Variants in TRPC5 observed in about 807,000 individuals in gnomAD.
TRPC5 encodes transient receptor potential cation channel subfamily C member 5.
A neutral mutation model predicts 56.5 loss-of-function variants in TRPC5; 9 were observed. The observed-to-expected ratio is 0.16, with a 90% CI of 0.10 to 0.28. The LOEUF (loss-of-function observed/expected upper bound fraction) is 0.28. Ranked by LOEUF, TRPC5 falls within the 10% of genes least tolerant of loss-of-function variation. TRPC5 has a pLI of 1.00. For missense variants in TRPC5, 469 were observed against 748.9 expected, an observed-to-expected ratio of 0.63 and a Z score of 4.36; for synonymous variants, 282 against 278.5, an observed-to-expected ratio of 1.01 and a Z score of -0.13.
At chrX:111,907,150 G>C (rs186014439) in intron 3 of TRPC5, among the ~76,000 whole-genome samples, 154 of 108,667 alleles carry the variant, frequency 1.4e-3, no homozygotes, top group African/African-American at 4.9e-3. Context: ...TTCCATCTTG[G>C]TTTGGGGCTC....
intron 6 of TRPC5, among the ~76,000 whole-genome samples, chrX:111,840,120 A>C (rs1338146031): frequency 8.9e-6 from 1 of 112,563 alleles, no homozygotes; most frequent in Non-Finnish European, 1.9e-5. Flanking sequence ...CAGTGAGCCG[A>C]GATCGTGCCA....
At chrX:111,842,656 G>T (rs1922795066) in intron 6 of TRPC5, among the ~76,000 whole-genome samples, 1 of 112,159 alleles carries the variant, frequency 8.9e-6, no homozygotes, top group African/African-American at 3.2e-5. Flanking sequence ...TAATAAACTG[G>T]ATGACAGGAT....
chrX:112,037,498 T>C (rs1038017492), intron 1 of TRPC5, among the ~76,000 whole-genome samples: 2 of 112,030 alleles, frequency 1.8e-5, no homozygotes, highest in Non-Finnish European at 3.8e-5. Context: ...AATTTTCTTT[T>C]GCCCTCTTGA....
chrX:111,925,997 C>T (rs1174894424), intron 2 of TRPC5, among the ~76,000 whole-genome samples: 1 of 111,992 alleles, frequency 8.9e-6, no homozygotes, highest in African/African-American at 3.2e-5. Context: ...ATGACAGTAA[C>T]AGCTCTCCCT....
At chrX:111,960,638 T>C (rs938076636) in intron 1 of TRPC5, among the ~76,000 whole-genome samples, 1 of 111,196 alleles carries the variant, frequency 9.0e-6, no homozygotes, top group African/African-American at 3.3e-5. Flanking sequence ...TAGTCTTGGA[T>C]TGTCTTTAAT....
intron 2 of TRPC5, among the ~76,000 whole-genome samples, chrX:111,914,530 G>A (rs950907545): frequency 7.1e-5 from 8 of 111,954 alleles, no homozygotes; most frequent in South Asian, 3.7e-4. Context: ...GAGAAAGGTG[G>A]AGGAGGAGGA....
intron 1 of TRPC5, among the ~76,000 whole-genome samples, chrX:112,029,749 C>A (rs1033524973): frequency 9.0e-6 from 1 of 111,136 alleles, no homozygotes; most frequent in African/African-American, 3.3e-5. Context: ...AGCTATATAA[C>A]CCAAAGTAGA....
intron 1 of TRPC5, among the ~76,000 whole-genome samples, chrX:112,039,870 C>T (rs897579661): frequency 8.9e-6 from 1 of 112,309 alleles, no homozygotes; most frequent in African/African-American, 3.2e-5. Flanking sequence ...CCTCTGCACC[C>T]AAACCATTTT....
chrX:111,963,006 C>T (rs938078861), intron 1 of TRPC5, among the ~76,000 whole-genome samples: 18 of 111,732 alleles, frequency 1.6e-4, no homozygotes, highest in African/African-American at 4.9e-4. Context: ...GTACCATGTG[C>T]GAGCCGAAGC....
intron 2 of TRPC5, among the ~76,000 whole-genome samples, chrX:111,941,218 T>C (rs1457432227): frequency 5.3e-5 from 6 of 112,215 alleles, no homozygotes; most frequent in African/African-American, 9.7e-5. Flanking sequence ...CTTCCCAGCC[T>C]GTGATATGAC....
chrX:111,809,415 G>A (rs1351228382), intron 7 of TRPC5, among the ~76,000 whole-genome samples: 1 of 111,392 alleles, frequency 9.0e-6, no homozygotes, highest in African/African-American at 3.3e-5. Flanking sequence ...GCTGGGTTCT[G>A]CCCAGTGTTG....
intron 1 of TRPC5, among the ~76,000 whole-genome samples, chrX:112,069,799 C>A (rs1930672837): frequency 9.0e-6 from 1 of 111,413 alleles, no homozygotes; most frequent in Non-Finnish European, 1.9e-5. Context: ...AGCACACCAG[C>A]CATTGTAGCA....
intron 1 of TRPC5, among the ~76,000 whole-genome samples, chrX:112,022,820 A>T (rs1929305563): frequency 8.9e-6 from 1 of 112,892 alleles, no homozygotes. Context: ...TATGAATTTT[A>T]CTGACAACAA....
At chrX:112,005,481 A>T (rs1277487897) in intron 1 of TRPC5, among the ~76,000 whole-genome samples, 2 of 108,478 alleles carry the variant, frequency 1.8e-5, no homozygotes, top group East Asian at 5.7e-4. Flanking sequence ...AAAAAAAAAA[A>T]ATATCTTACC....
At chrX:111,790,264 A>G (rs1345891985) in intron 7 of TRPC5, among the ~76,000 whole-genome samples, 1 of 111,559 alleles carries the variant, frequency 9.0e-6, no homozygotes, top group African/African-American at 3.3e-5. Context: ...TTGCAGGGAC[A>G]TGGATGAAGC....
intron 6 of TRPC5, 30 bp downstream of exon 6, chrX:111,847,084 A>T: frequency 3.5e-6 from 4 of 1,157,538 alleles, no homozygotes; most frequent in Non-Finnish European, 4.6e-6. Context: ...AAAAAAAAAT[A>T]AATAAATAAA....
chrX:112,015,788 T>G (rs1406026689), intron 1 of TRPC5, among the ~76,000 whole-genome samples: 1 of 111,481 alleles, frequency 9.0e-6, no homozygotes, highest in Non-Finnish European at 1.9e-5. Context: ...ATGGTGTGCA[T>G]TAGAGGAACT....
At chrX:111,963,281 C>T (rs1169033440) in intron 1 of TRPC5, among the ~76,000 whole-genome samples, 3 of 112,370 alleles carry the variant, frequency 2.7e-5, no homozygotes, top group Non-Finnish European at 3.8e-5. Flanking sequence ...GGGGGAGGGG[C>T]GCCTGCCATT....
At chrX:111,974,094 C>T (rs775287115) in intron 1 of TRPC5, among the ~76,000 whole-genome samples, 1 of 112,079 alleles carries the variant, frequency 8.9e-6, no homozygotes, top group South Asian at 3.7e-4. Context: ...ATTTAATCTC[C>T]TACTTGAAAC....
Sources: gnomAD v4.1 joint callset for allele counts (sites outside exome capture counted in the v4.1 genomes callset) on GRCh38, gnomAD v4.1.1 for gene constraint, MANE v1.5 for transcripts, NCBI Gene and HGNC (gene_info 2026-07-23, HGNC 2026-07-21) for gene names.